Variants in STARD13 observed in about 807,000 individuals in gnomAD.
The protein encoded by STARD13 is stAR-related lipid transfer protein 13.
In STARD13, 62 loss-of-function variants were observed where a neutral mutation model predicts 106.4. The ratio of observed to expected loss-of-function variants is 0.58; its 90% CI spans 0.48 to 0.72. The LOEUF (loss-of-function observed/expected upper bound fraction) is 0.72. STARD13 is among the 30% of genes least tolerant of loss of function. STARD13 has a pLI of 0.00. For synonymous variants in STARD13, 565 were observed against 553.0 expected (o/e 1.02, Z -0.31); for missense variants, 1,387 against 1,424.0 (o/e 0.97, Z 0.42).
intron 12 of STARD13, among the ~76,000 whole-genome samples, chr13:33,107,849 C>T (rs1459319794): frequency 6.6e-6 from 1 of 152,124 alleles, no homozygotes; most frequent in African/African-American, 2.4e-5. Context: ...CCCCAGGGAT[C>T]TATCATAATA....
the STARD13 span, among the ~76,000 whole-genome samples, chr13:33,507,122 C>G: frequency 6.6e-6 from 1 of 152,060 alleles, no homozygotes; most frequent in Non-Finnish European, 1.5e-5. Flanking sequence ...AAATACTTCT[C>G]CTTTTTCCAA....
chr13:33,386,770 C>T, the STARD13 span, among the ~76,000 whole-genome samples: 1 of 152,098 alleles, frequency 6.6e-6, no homozygotes, highest in South Asian at 2.1e-4. Flanking sequence ...TCTCTTGTGG[C>T]ACTGGAATCC....
chr13:33,195,173 G>T (rs1464854761), intron 1 of STARD13, among the ~76,000 whole-genome samples: 1 of 152,146 alleles, frequency 6.6e-6, no homozygotes, highest in Non-Finnish European at 1.5e-5. Flanking sequence ...CAATTAAAAT[G>T]CCTAATCTGC....
At position 33,197,596 on chromosome 13, in the gene STARD13, C is replaced by T. The variant is rs187264616; in HGVS notation, c.170-29974G>A. ...AAATATTCTCTTTCCTCTCCGTCAG[C>T]GAGCCAATTCCACTTCGGTCTGCCC... On this transcript the variant is annotated intron_variant, in intron 1 of 13. Transcript: ENST00000336934. 1.4e-4 allele frequency among the ~76,000 whole-genome samples: 21 copies of T among 152,292 alleles called. 2 individuals are homozygous for T. The East Asian group carries it at 3.9e-3, about 28-fold the overall frequency.
At position 33,257,742 on chromosome 13, in the gene STARD13, G is replaced by A. The variant is rs552943819; in HGVS notation, c.169+27728C>T. Among the ~76,000 whole-genome samples, 5 of 152,280 alleles carry A rather than the reference G, an allele frequency of 3.3e-5. No individual in the cohort carries two copies. The South Asian group carries it at 1.0e-3, about 32-fold the overall frequency. On this transcript the variant is annotated intron_variant, in intron 1 of 13. Coordinates refer to ENST00000336934, the MANE Select transcript of STARD13 (RefSeq NM_178006.4). The stretch of plus-strand genomic sequence containing the variant: ...AGTCATAAATTATGAACAAGAAGAA[G>A]GTTGGTTATTATTATTTGTTTAGTA...
At chr13:33,251,318 C>A (rs1156629370) in intron 1 of STARD13, among the ~76,000 whole-genome samples, 2 of 152,232 alleles carry the variant, frequency 1.3e-5, no homozygotes, top group East Asian at 1.9e-4. Flanking sequence ...TGGCTCTGAG[C>A]CATTTTTGGG....
At chr13:33,273,850 C>T (rs1490088256) in intron 1 of STARD13, 1 of 152,080 alleles carries the variant, frequency 6.6e-6, no homozygotes, top group African/African-American at 2.4e-5. Flanking sequence ...TCAAAGTTAA[C>T]CTCAGTTTAG....
chr13:33,587,733 T>C, the STARD13 span, among the ~76,000 whole-genome samples: 8 of 152,294 alleles, frequency 5.3e-5, no homozygotes, highest in East Asian at 9.6e-4. Context: ...AGATAATAAA[T>C]TGTGCTTCCC....
chr13:33,113,301 TC>T, intron 8 of STARD13: 1 of 372,662 alleles, frequency 2.7e-6, no homozygotes, highest in Admixed American at 3.7e-5. Flanking sequence ...CTGGCATCCC[TC>T]TTGCCCATCC....
chr13:33,141,154 A>C (rs914251714), intron 4 of STARD13, among the ~76,000 whole-genome samples: 2 of 152,226 alleles, frequency 1.3e-5, no homozygotes. Context: ...AAATGAAAAA[A>C]GTAGTTAAGG....
chr13:33,530,533 C>T, the STARD13 span, among the ~76,000 whole-genome samples: 1 of 151,920 alleles, frequency 6.6e-6, no homozygotes, highest in Admixed American at 6.6e-5. Context: ...TTGAAAAATC[C>T]AAGAGTTTTC....
At chr13:33,337,831 C>T (rs1487211231) in intron 1 of STARD13, among the ~76,000 whole-genome samples, 1 of 152,156 alleles carries the variant, frequency 6.6e-6, no homozygotes, top group Non-Finnish European at 1.5e-5. Context: ...TTTGCAGGGT[C>T]CAAGACAGAA....
chr13:33,212,153 T>G (rs1251184748), intron 1 of STARD13, among the ~76,000 whole-genome samples: 1 of 152,120 alleles, frequency 6.6e-6, no homozygotes, highest in African/African-American at 2.4e-5. Flanking sequence ...AGCATGCCTT[T>G]TGGGGTGGCT....
intron 1 of STARD13, among the ~76,000 whole-genome samples, chr13:33,211,330 A>T (rs1594111733): frequency 1.3e-5 from 2 of 152,242 alleles, no homozygotes; most frequent in East Asian, 1.9e-4. Flanking sequence ...CATAGCCTAA[A>T]AAAGTAAAAG....
At chr13:33,301,018 T>C (rs994231084) in intron 1 of STARD13, among the ~76,000 whole-genome samples, 2 of 152,250 alleles carry the variant, frequency 1.3e-5, no homozygotes, top group Non-Finnish European at 2.9e-5. Flanking sequence ...AGCAGCACCC[T>C]GTACATCTCC....
intron 1 of STARD13, among the ~76,000 whole-genome samples, chr13:33,340,483 G>C (rs575687052): frequency 4.6e-5 from 7 of 152,302 alleles, no homozygotes; most frequent in South Asian, 4.1e-4. Flanking sequence ...CAGATGCAGA[G>C]AGAATAAGAA....
the STARD13 span, among the ~76,000 whole-genome samples, chr13:33,439,353 T>C: frequency 6.6e-6 from 1 of 152,256 alleles, no homozygotes; most frequent in African/African-American, 2.4e-5. Flanking sequence ...GATGTTTCAG[T>C]AAAGGTGCAA....
downstream of STARD13, among the ~76,000 whole-genome samples, chr13:33,344,926 A>C (rs921434681): frequency 1.3e-5 from 2 of 152,236 alleles, no homozygotes; most frequent in African/African-American, 4.8e-5. Flanking sequence ...GAATGTTCTT[A>C]GACTTTAACA....
chr13:33,470,040 G>GCTAT, the STARD13 span, among the ~76,000 whole-genome samples: 1 of 152,090 alleles, frequency 6.6e-6, no homozygotes, highest in Non-Finnish European at 1.5e-5. Flanking sequence ...TTCTCCTAAT[G>GCTAT]CTATCCCTCC....
Sources: allele counts gnomAD v4.1 joint callset (sites outside exome capture counted in the v4.1 genomes callset), GRCh38; gene constraint gnomAD v4.1.1; transcripts MANE v1.5; gene names NCBI Gene and HGNC (gene_info 2026-07-23, HGNC 2026-07-21).